Variants in FKBP1A observed in about 807,000 individuals in gnomAD.
FKBP1A encodes peptidyl-prolyl cis-trans isomerase FKBP1A.
In FKBP1A, 5 loss-of-function variants were observed where a neutral mutation model predicts 14.2. The ratio of observed to expected loss-of-function variants is 0.35; its 90% CI spans 0.18 to 0.74. FKBP1A has a LOEUF of 0.74. Among genes scored for constraint, FKBP1A ranks in the 30% least tolerant of loss-of-function variants. FKBP1A has a pLI of 0.56. For synonymous variants in FKBP1A, 42 were observed against 49.1 expected, an observed-to-expected ratio of 0.86 and a Z score of 0.60; for missense variants, 53 against 138.8, an observed-to-expected ratio of 0.38 and a Z score of 3.10.
At chr20:1,389,523 C>G (rs2089708625) in intron 2 of FKBP1A, among the ~76,000 whole-genome samples, 1 of 152,152 alleles carries the variant, frequency 6.6e-6, no homozygotes. Flanking sequence ...GTGGCCACAC[C>G]TGTCCCGGGA....
chr20:1,379,182 G>A lies in FKBP1A; in HGVS notation c.86-3579C>T, dbSNP rs1054809698. Among the ~76,000 whole-genome samples, 3 of 152,200 alleles carry A rather than the reference G, an allele frequency of 2.0e-5. No individual in the cohort carries two copies. The highest frequency in any genetic ancestry group is 4.8e-5 in the African/African-American group (2 of 41,456). On this transcript the variant is annotated intron_variant, in intron 2 of 4. Coordinates refer to ENST00000400137, the MANE Select transcript of FKBP1A (RefSeq NM_000801.5). This position sits in a 1 kb window ranked among gnomAD's most constrained non-coding sequence, Gnocchi z 4.3. ...ATTGCAGTGAAAGCCACAGGGTACT[G>A]AGACAGACTCCCTAAACTTCCTTTT...
In FKBP1A at chr20:1,386,517, G is replaced by A. The variant is rs1341420453; in HGVS notation, c.85+6317C>T. Reference sequence around the variant, plus strand: ...GGAAAGAGCAGATGTTTAACTACACGGATCCTGACTATGATGGGGGCTAAG... The same window carrying A: ...GGAAAGAGCAGATGTTTAACTACACAGATCCTGACTATGATGGGGGCTAAG... On this transcript the variant is annotated intron_variant, in intron 2 of 4. Transcript: ENST00000400137. The surrounding 1 kb of genome is among the most constrained non-coding windows in gnomAD (Gnocchi z 4.7). Among the ~76,000 whole-genome samples, 1 of 152,118 alleles carries A rather than the reference G, an allele frequency of 6.6e-6. No homozygotes were observed. Among genetic ancestry groups the A allele is most frequent in the South Asian group, 2.1e-4 (1 of 4,830 alleles).
intron 2 of FKBP1A, among the ~76,000 whole-genome samples, chr20:1,381,645 T>C (rs1362476759): frequency 1.3e-5 from 2 of 152,202 alleles, no homozygotes; most frequent in East Asian, 3.8e-4. Flanking sequence ...GCAGATTTAT[T>C]AGCGATAGTC....
intron 2 of FKBP1A, among the ~76,000 whole-genome samples, chr20:1,380,157 C>T (rs1035611299): frequency 1.8e-4 from 27 of 152,046 alleles, no homozygotes; most frequent in Admixed American, 1.1e-3. Context: ...TTGTAGGACA[C>T]CAGACATCTG....
At chr20:1,381,643 A>G (rs1327348869) in intron 2 of FKBP1A, among the ~76,000 whole-genome samples, 2 of 152,240 alleles carry the variant, frequency 1.3e-5, no homozygotes, top group Non-Finnish European at 2.9e-5. Context: ...AAGCAGATTT[A>G]TTAGCGATAG....
chr20:1,371,764 A>G, intron 4 of FKBP1A: 2 of 1,037,258 alleles, frequency 1.9e-6, no homozygotes, highest in Non-Finnish European at 2.3e-6. Flanking sequence ...TTGGCACTAC[A>G]AATTTGGCCT....
intron 2 of FKBP1A, among the ~76,000 whole-genome samples, chr20:1,390,305 A>C (rs1482590236): frequency 1.4e-5 from 2 of 138,872 alleles, no homozygotes; most frequent in Non-Finnish European, 3.1e-5. Context: ...CAGCCAAGAA[A>C]TCTGAGCCAG....
chr20:1,380,474 C>T (rs568231878), intron 2 of FKBP1A, among the ~76,000 whole-genome samples: 1 of 152,114 alleles, frequency 6.6e-6, no homozygotes, highest in African/African-American at 2.4e-5. Flanking sequence ...TACTACCCCC[C>T]GGTCAAACTG....
At chr20:1,378,603 A>G (rs1345915666) in intron 2 of FKBP1A, 1 of 152,114 alleles carries the variant, frequency 6.6e-6, no homozygotes, top group Non-Finnish European at 1.5e-5. Context: ...GGGGGTGTTG[A>G]TAACAGGAGG....
intron 2 of FKBP1A, chr20:1,378,005 C>G (rs887412114): frequency 3.3e-5 from 5 of 152,524 alleles, no homozygotes; most frequent in African/African-American, 1.2e-4. Flanking sequence ...CAGCCTGGCC[C>G]AGCAGATGAA....
chr20:1,390,263 T>C (rs2122711351), intron 2 of FKBP1A, among the ~76,000 whole-genome samples: 1 of 149,482 alleles, frequency 6.7e-6, no homozygotes, highest in Non-Finnish European at 1.5e-5. Context: ...TTACTCAAAC[T>C]CTCCTTCTCA....
At chr20:1,381,138 A>G (rs991420560) in intron 2 of FKBP1A, among the ~76,000 whole-genome samples, 4 of 152,240 alleles carry the variant, frequency 2.6e-5, no homozygotes, top group Non-Finnish European at 5.9e-5. Flanking sequence ...AGTACTTTAA[A>G]AAGCACTGTT....
At chr20:1,381,418 C>T (rs568623129) in intron 2 of FKBP1A, among the ~76,000 whole-genome samples, 1 of 152,270 alleles carries the variant, frequency 6.6e-6, no homozygotes, top group South Asian at 2.1e-4. Context: ...ATGAGTAAAG[C>T]TAAAAAGACT....
intron 2 of FKBP1A, among the ~76,000 whole-genome samples, chr20:1,389,310 G>A (rs6041941): frequency 0.026 from 3,914 of 152,288 alleles, 176 homozygotes; most frequent in African/African-American, 0.087. Flanking sequence ...TTGCAGCCCT[G>A]CCCAACAGTT....
At chr20:1,371,931 C>T in intron 4 of FKBP1A, 145 bp downstream of exon 4, 2 of 1,430,590 alleles carry the variant, frequency 1.4e-6, no homozygotes, top group South Asian at 1.6e-5. Context: ...ACTAATAACA[C>T]TGAAAGGATA....
chr20:1,379,879 A>C lies in FKBP1A; in HGVS notation c.86-4276T>G, dbSNP rs1192583213. ...CTTCCCCAGTGGGGAGGAACAGGCC[A>C]CTTATCTATGGCCCTAAGTTGTCAG... On this transcript the variant is annotated intron_variant, in intron 2 of 4. Coordinates refer to ENST00000400137, the MANE Select transcript of FKBP1A (RefSeq NM_000801.5). The surrounding 1 kb of genome is among the most constrained non-coding windows in gnomAD (Gnocchi z 4.3). Among the ~76,000 whole-genome samples the C allele has an allele frequency of 6.6e-6, 1 of 152,212 alleles. No homozygotes were observed. Among genetic ancestry groups the C allele is most frequent in the Non-Finnish European group, 1.5e-5 (1 of 68,032 alleles).
At chr20:1,373,712 G>A (rs1568585877) in intron 3 of FKBP1A, among the ~76,000 whole-genome samples, 1 of 152,222 alleles carries the variant, frequency 6.6e-6, no homozygotes, top group Admixed American at 6.5e-5. Flanking sequence ...CTCGATGGCA[G>A]ATACAGCACT....
At chr20:1,371,571 C>A (rs1435618315) in intron 4 of FKBP1A, 5 of 355,300 alleles carry the variant, frequency 1.4e-5, no homozygotes, top group Non-Finnish European at 2.0e-5. Context: ...TGGACCGATG[C>A]AGGAATGCCT....
chr20:1,389,615 C>T (rs2089709783), intron 2 of FKBP1A, among the ~76,000 whole-genome samples: 1 of 152,170 alleles, frequency 6.6e-6, no homozygotes, highest in Non-Finnish European at 1.5e-5. Flanking sequence ...AACCGGGAGG[C>T]TATACCTGAC....
Sources: gnomAD v4.1 joint callset for allele counts (sites outside exome capture counted in the v4.1 genomes callset) on GRCh38, gnomAD v4.1.1 for gene constraint, Gnocchi (gnomAD v3.1) non-coding constraint, MANE v1.5 for transcripts, NCBI Gene and HGNC (gene_info 2026-07-23, HGNC 2026-07-21) for gene names.